KRT23: variants seen among roughly 807,000 people sequenced by gnomAD.
KRT23 encodes the protein keratin, type I cytoskeletal 23.
KRT23 carries 38 observed loss-of-function variants against 47.6 expected under a neutral mutation model. The observed-to-expected ratio is 0.80, with a 90% CI of 0.62 to 1.05. The LOEUF (loss-of-function observed/expected upper bound fraction) is 1.05. Among genes scored for constraint, KRT23 ranks in the 50% least tolerant of loss-of-function variants. The pLI, the probability that KRT23 is intolerant of heterozygous loss-of-function variation, is 0.00. For synonymous variants in KRT23, 191 were observed against 199.0 expected (o/e 0.96, Z 0.34); for missense variants, 503 against 529.5 (o/e 0.95, Z 0.49).
rs561497578 is a variant in KRT23, at chr17:40,927,868, T to C, written c.921+370A>G. 1.5e-3 allele frequency among the ~76,000 whole-genome samples: 235 copies of C among 152,274 alleles called. 1 individual carries two copies. Among genetic ancestry groups the C allele is most frequent in the Admixed American group, 2.7e-3 (42 of 15,298 alleles). ...AATTATGGGGGTCTAGAATCCCCCT[T>C]CCTCCAAATAAATCATATGGTTTCA... On this transcript the variant is annotated intron_variant, in intron 6 of 8. Transcript: ENST00000209718.
chr17:40,930,840 C>T (rs1245564461), intron 3 of KRT23, among the ~76,000 whole-genome samples: 2 of 151,578 alleles, frequency 1.3e-5, no homozygotes, highest in Non-Finnish European at 2.9e-5. Flanking sequence ...TAATAACAAC[C>T]CTTTAATATC....
chr17:40,925,461 A>G lies in KRT23; in HGVS notation c.1035T>C (p.His345=), dbSNP rs8037. The G allele has an allele frequency of 0.43, 690,622 of 1,613,836 alleles. 154,340 individuals are homozygous for G. Among genetic ancestry groups the G allele is most frequent in the East Asian group, 0.73 (32,592 of 44,858 alleles). Residue 345 remains histidine (H), a synonymous_variant, in exon 7 of 9, where the codon CAT becomes CAC. Transcript: ENST00000209718. The part of the protein sequence containing the change: ...HYEEELTQLR[H]ELERQNNEYQ... ...ATTCATTGTTCTGCCGCTCCAGTTC[A>G]TGGCGTAGCTGCGTCAGTTCCTCCT...
In KRT23 at chr17:40,928,441, T is replaced by C. The variant is rs1157153565; in HGVS notation, c.798+5A>G. 1 of 1,613,918 alleles carries C rather than the reference T, an allele frequency of 6.2e-7. No individual in the cohort carries two copies. On this transcript the variant is annotated splice_donor_5th_base_variant and intron_variant, in intron 5 of 8. Coordinates refer to ENST00000209718, the MANE Select transcript of KRT23 (RefSeq NM_015515.5). ...CTTTGGGAAGTTTGTGCATCTTTCT[T>C]TTACCTGTTCTTTATACCAAGTGTC... is the stretch of plus-strand genomic sequence containing the variant.
At chr17:40,934,444 C>T (rs921215262) in intron 2 of KRT23, among the ~76,000 whole-genome samples, 5 of 152,214 alleles carry the variant, frequency 3.3e-5, no homozygotes, top group African/African-American at 1.2e-4. Flanking sequence ...CACCTACTCA[C>T]TTTTCTCAAT....
At chr17:40,928,084 C>G (rs1046264178) in intron 6 of KRT23, among the ~76,000 whole-genome samples, 154 bp downstream of exon 6, 1 of 152,144 alleles carries the variant, frequency 6.6e-6, no homozygotes, top group African/African-American at 2.4e-5. Flanking sequence ...CATGGTAGCC[C>G]TTTATTATGG....
Position 40,936,454 on chromosome 17 carries a change from C to T in KRT23, c.150G>A (p.Arg50=), listed in dbSNP as rs1910078546. ...AAGACCCTCCAGGGGGTGGGCAGCT[C>T]CGCGTGGTGAAGGACAGGGAGATGC... The part of the protein sequence containing the change: ...GARISLSFTT[R]SCPPPGGSWG... Residue 50 remains arginine (R), a synonymous_variant, in exon 2 of 9, where the codon CGG becomes CGA. Coordinates refer to ENST00000209718, the MANE Select transcript of KRT23 (RefSeq NM_015515.5). 3 of 1,603,688 alleles carry T rather than the reference C, an allele frequency of 1.9e-6. No homozygotes were observed. Among genetic ancestry groups the T allele is most frequent in the Non-Finnish European group, 2.6e-6 (3 of 1,173,990 alleles).
chr17:40,924,113 A>C (rs1321239539), intron 8 of KRT23, among the ~76,000 whole-genome samples: 3 of 152,232 alleles, frequency 2.0e-5, no homozygotes, highest in Non-Finnish European at 4.4e-5. Context: ...TTCGTAATAC[A>C]CTATTCAAAT....
chr17:40,931,621 G>A (rs1402447758), intron 2 of KRT23, among the ~76,000 whole-genome samples, 166 bp from the exon 3 acceptor site: 1 of 152,178 alleles, frequency 6.6e-6, no homozygotes, highest in East Asian at 1.9e-4. Context: ...AATGCTTAGT[G>A]AGCACATACT....
At position 40,936,596 on chromosome 17, in the gene KRT23, G is replaced by A. The variant is rs762792946; in HGVS notation, c.8C>T (p.Ser3Phe). 1.3e-6 allele frequency: 2 copies of A among 1,515,394 alleles called. No individual in the cohort carries two copies. The highest frequency in any genetic ancestry group is 1.3e-5 in the South Asian group (1 of 74,188). The allele number at this position is 1,515,394 out of a possible 1,614,324, so 93.9% of individuals were successfully genotyped here. A position where few individuals can be genotyped will look rare whatever the true frequency, so the allele number is the denominator to read the frequency against. The change falls in exon 2 of 9, where the codon TCC becomes TTC. Residue 3 changes from serine (S) to phenylalanine (F), a missense_variant. Physicochemically the swap from Ser to Phe is radical, Grantham distance 155. Coordinates refer to ENST00000209718, the MANE Select transcript of KRT23 (RefSeq NM_015515.5). Reference sequence around the variant, plus strand: ...GGGGGTCTGGCTGAAGCTGTGTCCGGAGTTCATGGTCCCATCTGTGTTTGG... The same window carrying A: ...GGGGGTCTGGCTGAAGCTGTGTCCGAAGTTCATGGTCCCATCTGTGTTTGG... MN[S>F]GHSFSQTPSA...
intron 7 of KRT23, among the ~76,000 whole-genome samples, chr17:40,924,995 C>CT (rs34300335): frequency 1.1e-4 from 16 of 148,750 alleles, no homozygotes; most frequent in Non-Finnish European, 1.8e-4. Flanking sequence ...TCATATGCAT[C>CT]TTTTTTTTTT....
intron 7 of KRT23, 65 bp from the exon 8 acceptor site, chr17:40,924,568 A>G: frequency 7.9e-7 from 1 of 1,266,300 alleles, no homozygotes; most frequent in Non-Finnish European, 1.2e-6. Context: ...ACTTCTCAGG[A>G]TGAACTAACT....
intron 6 of KRT23, 56 bp downstream of exon 6, chr17:40,928,182 G>A: frequency 6.2e-7 from 1 of 1,610,298 alleles, no homozygotes; most frequent in Non-Finnish European, 8.5e-7. Flanking sequence ...AGAGGTCTCA[G>A]AAGGCTTCGT....
chr17:40,922,912 C>T lies in KRT23; in HGVS notation c.*77G>A. On this transcript the variant is annotated 3_prime_UTR_variant, in exon 9 of 9. Coordinates refer to ENST00000209718, the MANE Select transcript of KRT23 (RefSeq NM_015515.5). ...ATAATTCCAAGGGTATCTTTTAGAA[C>T]TCACTCACTGGTGTCTGTGCAAGGA... 1 of 978,068 alleles carries T rather than the reference C, an allele frequency of 1.0e-6. No homozygotes were observed. Among genetic ancestry groups the T allele is most frequent in the Non-Finnish European group, 1.6e-6 (1 of 614,860 alleles). 60.6% of individuals were successfully genotyped at this position (978,068 alleles called of 1,614,324 possible).
At chr17:40,924,218 A>T (rs865996858) in intron 8 of KRT23, among the ~76,000 whole-genome samples, 6 of 152,208 alleles carry the variant, frequency 3.9e-5, no homozygotes, top group Non-Finnish European at 5.9e-5. Flanking sequence ...AACTGACTCC[A>T]TTACTTAATA....
Position 40,923,016 on chromosome 17 carries a change from T to C in KRT23, c.1242A>G (p.Gln414=). 1 of 1,614,030 alleles carries C rather than the reference T, an allele frequency of 6.2e-7. No individual in the cohort carries two copies. The highest frequency in any genetic ancestry group is 1.1e-5 in the South Asian group (1 of 91,078). The change falls in exon 9 of 9, where the codon CAA becomes CAG. Residue 414 remains glutamine, a synonymous_variant. Transcript: ENST00000209718. The part of the protein sequence containing the change: ...ETINGRLVLC[Q]VNEIQKHA ...ATGCGTGCTTTTGGATTTCATTCAC[T>C]TGACAAAGAACTAATCTTCCGTTGA...
chr17:40,937,033 C>T (rs182733769), intron 1 of KRT23, 80 bp from the exon 2 acceptor site: 48 of 164,072 alleles, frequency 2.9e-4, no homozygotes, highest in Middle Eastern at 2.8e-3. Flanking sequence ...AAACCAAAAA[C>T]CAAAACCAAA....
chr17:40,927,441 C>T (rs1444686833), intron 6 of KRT23, among the ~76,000 whole-genome samples: 6 of 152,136 alleles, frequency 3.9e-5, no homozygotes, highest in South Asian at 2.1e-4. Context: ...TTCACCATCA[C>T]GGATGCATAA....
chr17:40,933,466 CCTTA>C (rs1297721796), intron 2 of KRT23, among the ~76,000 whole-genome samples: 1 of 152,170 alleles, frequency 6.6e-6, no homozygotes, highest in Non-Finnish European at 1.5e-5. Context: ...GTGGGGTAAC[CCTTA>C]CTTACTTGTG....
chr17:40,928,793 C>G (rs1909417017), intron 4 of KRT23, 186 bp from the exon 5 acceptor site: 1 of 539,004 alleles, frequency 1.9e-6, no homozygotes. Flanking sequence ...ACTTTTTTCT[C>G]TAATAATTTT....
Sources: gnomAD v4.1 joint callset for allele counts (sites outside exome capture counted in the v4.1 genomes callset) on GRCh38, gnomAD v4.1.1 for gene constraint, MANE v1.5 for transcripts, NCBI Gene and HGNC (gene_info 2026-07-23, HGNC 2026-07-21) for gene names.